The following VSNL1 variants were observed in gnomAD, a reference collection of about 807,000 sequenced individuals.
VSNL1 encodes visinin-like protein 1.
Under a neutral mutation model 20.4 loss-of-function variants are expected in VSNL1, and 6 were observed. The ratio of observed to expected loss-of-function variants is 0.29; its 90% CI spans 0.16 to 0.58. VSNL1 has a LOEUF of 0.58. Ranked by LOEUF, VSNL1 falls within the 20% of genes least tolerant of loss-of-function variation. The probability of loss-of-function intolerance (pLI) is 0.90; values close to 1 mark genes in which losing one functional copy is unlikely to be tolerated. For synonymous variants in VSNL1, 93 were observed against 86.4 expected (o/e 1.08, Z -0.42); for missense variants, 100 against 234.5 (o/e 0.43, Z 3.75).
intron 2 of VSNL1, among the ~76,000 whole-genome samples, chr2:17,629,141 CCACCCA>C (rs1665577137): frequency 6.6e-6 from 1 of 152,214 alleles, no homozygotes; most frequent in African/African-American, 2.4e-5. Context: ...GGAGCTGTCT[CCACCCA>C]CACCCAGACT....
rs1393402755 is a variant in VSNL1 at position 17,575,231 on chromosome 2, C to T, written c.-5-16839C>T. Among the ~76,000 whole-genome samples the T allele has an allele frequency of 2.0e-5, 3 of 152,174 alleles. No homozygotes were observed. The East Asian group carries it at 5.8e-4, about 29-fold the overall frequency. ...AGGCTGGTTGCTGGTCACCTCCCAACCCGGGAGGGAAGCAGAGGAGGAATT... is the reference window on the plus strand; with the variant it reads ...AGGCTGGTTGCTGGTCACCTCCCAATCCGGGAGGGAAGCAGAGGAGGAATT... On this transcript the variant is annotated intron_variant, in intron 1 of 3. Transcript: ENST00000295156.
intron 2 of VSNL1, among the ~76,000 whole-genome samples, chr2:17,637,128 C>T (rs1665770042): frequency 1.3e-5 from 2 of 152,178 alleles, no homozygotes; most frequent in South Asian, 4.1e-4. Flanking sequence ...CCCTCCCTTC[C>T]CCTTCCCACA....
chr2:17,622,604 A>G (rs1003769038), intron 2 of VSNL1, among the ~76,000 whole-genome samples: 19 of 148,930 alleles, frequency 1.3e-4, no homozygotes, highest in Admixed American at 5.4e-4. Flanking sequence ...AAGAAAGAAA[A>G]GAAAGAAAGA....
intron 2 of VSNL1, among the ~76,000 whole-genome samples, chr2:17,630,734 T>C (rs1159611213): frequency 6.6e-6 from 1 of 152,204 alleles, no homozygotes; most frequent in Non-Finnish European, 1.5e-5. Flanking sequence ...AGTTCAAACA[T>C]ATCAAACATA....
chr2:17,621,473 A>C (rs1244961377), intron 2 of VSNL1, among the ~76,000 whole-genome samples: 6 of 151,782 alleles, frequency 4.0e-5, no homozygotes, highest in Middle Eastern at 3.4e-3. Context: ...CAGGCGCACA[A>C]CACCACACCC....
intron 1 of VSNL1, among the ~76,000 whole-genome samples, chr2:17,588,046 C>T (rs1371484266): frequency 6.6e-6 from 1 of 152,118 alleles, no homozygotes; most frequent in East Asian, 1.9e-4. Context: ...TGTTTTGTGC[C>T]TAGCACTGAA....
intron 2 of VSNL1, among the ~76,000 whole-genome samples, chr2:17,595,319 G>A (rs938753912): frequency 1.3e-5 from 2 of 152,156 alleles, no homozygotes; most frequent in African/African-American, 2.4e-5. Flanking sequence ...AAGTGACTAT[G>A]GGACAGTCCT....
intron 2 of VSNL1, 86 bp downstream of exon 2, chr2:17,592,322 T>C (rs955373076): frequency 3.6e-6 from 5 of 1,386,282 alleles, no homozygotes; most frequent in Non-Finnish European, 5.0e-6. Flanking sequence ...GAATTATAAC[T>C]CTAAGTAGCT....
At chr2:17,585,262 T>C (rs1386064279) in intron 1 of VSNL1, among the ~76,000 whole-genome samples, 1 of 152,050 alleles carries the variant, frequency 6.6e-6, no homozygotes, top group African/African-American at 2.4e-5. Flanking sequence ...TGCCAGCTTG[T>C]GGTCCACACC....
At chr2:17,558,336 A>T (rs1663737017) in intron 1 of VSNL1, among the ~76,000 whole-genome samples, 2 of 152,236 alleles carry the variant, frequency 1.3e-5, no homozygotes, top group South Asian at 4.1e-4. Flanking sequence ...GTAGATAATG[A>T]TACCTATGTG....
At position 17,655,396 on chromosome 2, in the gene VSNL1, C is replaced by A. The variant is rs772777946; in HGVS notation, c.*2C>A. On this transcript the variant is annotated 3_prime_UTR_variant, in exon 4 of 4. Transcript: ENST00000295156. The surrounding 1 kb of genome is among the most constrained non-coding windows in gnomAD (Gnocchi z 5.2). ...CTGCAGTGCGACATCCAGAAATGAGCTGATGTCAATGCTATGGACTGCACA... is the reference window on the plus strand; with the variant it reads ...CTGCAGTGCGACATCCAGAAATGAGATGATGTCAATGCTATGGACTGCACA... The A allele has an allele frequency of 5.6e-6, 9 of 1,603,494 alleles. No homozygotes were observed. The East Asian group carries it at 2.0e-4, about 36-fold the overall frequency.
Position 17,649,700 on chromosome 2 carries a change from T to C in VSNL1, c.378+75T>C, listed in dbSNP as rs568826523. On this transcript the variant is annotated intron_variant, in intron 3 of 3. Coordinates refer to ENST00000295156, the MANE Select transcript of VSNL1 (RefSeq NM_003385.5). The surrounding 1 kb of genome is among the most constrained non-coding windows in gnomAD (Gnocchi z 6.4). ...ACGGCAGCCTCCTAGGTGCAGGCCT[T>C]AGTGGCTTCTTCTCTCTCTGCTCGA... 2.1e-5 allele frequency: 29 copies of C among 1,397,000 alleles called. No homozygotes were observed. In the East Asian group the frequency reaches 6.0e-4, roughly 29 times the overall value. 86.5% of individuals were successfully genotyped at this position (1,397,000 alleles called of 1,614,324 possible).
intron 1 of VSNL1, among the ~76,000 whole-genome samples, chr2:17,590,503 C>T (rs989563958): frequency 6.6e-6 from 1 of 152,106 alleles, no homozygotes; most frequent in Non-Finnish European, 1.5e-5. Context: ...GGAAGAGTTG[C>T]TGATACTGGG....
chr2:17,621,440 A>G, intron 2 of VSNL1, among the ~76,000 whole-genome samples: 1 of 151,936 alleles, frequency 6.6e-6, no homozygotes, highest in Non-Finnish European at 1.5e-5. Flanking sequence ...CTCCCACCTC[A>G]GCCTCCCGAG....
chr2:17,588,361 T>C (rs528095560), intron 1 of VSNL1, among the ~76,000 whole-genome samples: 5 of 152,296 alleles, frequency 3.3e-5, no homozygotes, highest in Non-Finnish European at 7.3e-5. Context: ...AACTCCTCAT[T>C]TTTTAAATGG....
rs557642673 is a variant in VSNL1 at position 17,651,748 on chromosome 2, T to C, written c.378+2123T>C. Reference sequence around the variant, plus strand: ...CGTTTCTCCCCATCACTTCTAGCTCTTCCTTTCTTCTATTCAGAGCTTTTA... The same window carrying C: ...CGTTTCTCCCCATCACTTCTAGCTCCTCCTTTCTTCTATTCAGAGCTTTTA... On this transcript the variant is annotated intron_variant, in intron 3 of 3. Coordinates refer to ENST00000295156, the MANE Select transcript of VSNL1 (RefSeq NM_003385.5). Among the ~76,000 whole-genome samples, 22 of 152,342 alleles carry C rather than the reference T, an allele frequency of 1.4e-4. 1 individual carries two copies. The South Asian group carries it at 3.7e-3, about 26-fold the overall frequency.
chr2:17,626,021 G>T (rs182321613), intron 2 of VSNL1, among the ~76,000 whole-genome samples: 18 of 152,016 alleles, frequency 1.2e-4, no homozygotes, highest in Middle Eastern at 3.4e-3. Flanking sequence ...GTTTCGCCTT[G>T]TTGGCCAGGC....
intron 1 of VSNL1, among the ~76,000 whole-genome samples, chr2:17,563,007 T>C (rs1047977002): frequency 3.9e-5 from 6 of 152,156 alleles, no homozygotes; most frequent in Non-Finnish European, 8.8e-5. Context: ...CATCTCTGCC[T>C]AAAAACAGCT....
chr2:17,599,890 G>A (rs1410739282), intron 2 of VSNL1, among the ~76,000 whole-genome samples: 1 of 152,114 alleles, frequency 6.6e-6, no homozygotes, highest in Admixed American at 6.5e-5. Flanking sequence ...CAGGCATCTG[G>A]GAGGTTCTCC....
Sources: gnomAD v4.1 joint callset for allele counts (sites outside exome capture counted in the v4.1 genomes callset) on GRCh38, gnomAD v4.1.1 for gene constraint, Gnocchi (gnomAD v3.1) non-coding constraint, MANE v1.5 for transcripts, NCBI Gene and HGNC (gene_info 2026-07-23, HGNC 2026-07-21) for gene names.